XKR4: variants seen among roughly 807,000 people sequenced by gnomAD.
XKR4 encodes the protein XK-related protein 4.
XKR4 carries 12 observed loss-of-function variants against 53.9 expected under a neutral mutation model. That is an observed-to-expected ratio of 0.22 (90% confidence interval 0.14 to 0.36). The LOEUF is 0.36. Ranked by LOEUF, XKR4 falls within the 10% of genes least tolerant of loss-of-function variation. The pLI, the probability that XKR4 is intolerant of heterozygous loss-of-function variation, is 1.00. For missense variants in XKR4, 799 were observed against 859.5 expected, an observed-to-expected ratio of 0.93 and a Z score of 0.88; for synonymous variants, 354 against 362.4, an observed-to-expected ratio of 0.98 and a Z score of 0.26.
chr8:55,478,474 G>C (rs1295480031), intron 2 of XKR4, among the ~76,000 whole-genome samples: 4 of 152,068 alleles, frequency 2.6e-5, no homozygotes, highest in Admixed American at 2.6e-4. Flanking sequence ...ATCAAGGCTA[G>C]GAAGAAACTG....
intron 2 of XKR4, among the ~76,000 whole-genome samples, chr8:55,438,557 T>A (rs1805212282): frequency 7.7e-6 from 1 of 129,804 alleles, no homozygotes; most frequent in Admixed American, 9.3e-5. Flanking sequence ...GCCACTGCAC[T>A]CCAGCCTAGG....
intron 1 of XKR4, among the ~76,000 whole-genome samples, chr8:55,298,424 T>C (rs1819131762): frequency 6.6e-6 from 1 of 152,110 alleles, no homozygotes; most frequent in Admixed American, 6.6e-5. Flanking sequence ...TCTACAAGCA[T>C]GGCACCAGCA....
At chr8:55,129,334 A>G (rs1374180636) in intron 1 of XKR4, among the ~76,000 whole-genome samples, 1 of 152,204 alleles carries the variant, frequency 6.6e-6, no homozygotes, top group African/African-American at 2.4e-5. Flanking sequence ...AAATTCTCCT[A>G]TCCGTTCTCA....
At chr8:55,385,651 T>C (rs1804298639) in intron 2 of XKR4, among the ~76,000 whole-genome samples, 1 of 152,254 alleles carries the variant, frequency 6.6e-6, no homozygotes, top group Admixed American at 6.5e-5. Flanking sequence ...TCCAAGAAAA[T>C]TGCTTTGAAA....
chr8:55,269,516 T>C (rs2129372285), intron 1 of XKR4, among the ~76,000 whole-genome samples: 2 of 152,218 alleles, frequency 1.3e-5, no homozygotes, highest in Middle Eastern at 6.8e-3. Flanking sequence ...ATTATCAGAG[T>C]TGTTGAAGGT....
chr8:55,271,571 C>T (rs1369877188), intron 1 of XKR4, among the ~76,000 whole-genome samples: 1 of 152,250 alleles, frequency 6.6e-6, no homozygotes, highest in East Asian at 1.9e-4. Flanking sequence ...GGCAGAGACT[C>T]ACTTATCACA....
At chr8:55,472,531 C>A (rs1805905922) in intron 2 of XKR4, among the ~76,000 whole-genome samples, 1 of 152,062 alleles carries the variant, frequency 6.6e-6, no homozygotes, top group South Asian at 2.1e-4. Flanking sequence ...GGGCTGACCC[C>A]AGTTCAGTGA....
At position 55,261,022 on chromosome 8, in the gene XKR4, G is replaced by A. The variant is rs143904364; in HGVS notation, c.807-96656G>A. On this transcript the variant is annotated intron_variant, in intron 1 of 2. Transcript: ENST00000327381. ...TTCATTAAAAGCAAAACTTTATCAA[G>A]GACTTCCTTACCCTCACAATCTGTC... Among the ~76,000 whole-genome samples the A allele has an allele frequency of 2.0e-3, 305 of 152,172 alleles. 1 individual carries two copies. Among genetic ancestry groups the A allele is most frequent in the African/African-American group, 7.0e-3 (291 of 41,508 alleles).
intron 2 of XKR4, among the ~76,000 whole-genome samples, chr8:55,392,120 T>C (rs747990223): frequency 6.6e-6 from 1 of 152,194 alleles, no homozygotes. Flanking sequence ...GAGCTCATGA[T>C]TTTTTTCCTG....
intron 2 of XKR4, among the ~76,000 whole-genome samples, chr8:55,406,759 A>G (rs752260828): frequency 6.6e-6 from 1 of 152,254 alleles, no homozygotes; most frequent in Non-Finnish European, 1.5e-5. Flanking sequence ...CCTTTTGGCC[A>G]CAAATGTCTA....
chr8:55,311,331 A>G (rs1250268979), intron 1 of XKR4, among the ~76,000 whole-genome samples: 3 of 152,186 alleles, frequency 2.0e-5, no homozygotes, highest in Admixed American at 2.0e-4. Flanking sequence ...TTCAGCCTGG[A>G]GTGTCAGAGA....
chr8:55,374,506 T>C (rs1185657397), intron 2 of XKR4, among the ~76,000 whole-genome samples: 11 of 152,150 alleles, frequency 7.2e-5, no homozygotes, highest in South Asian at 4.1e-4. Context: ...GGAGAGCTCA[T>C]TGGAGAAGGC....
rs909639698 is a variant in XKR4, at chr8:55,525,647, G to C, written c.*1420G>C. On this transcript the variant is annotated 3_prime_UTR_variant, in exon 3 of 3. Coordinates refer to ENST00000327381, the MANE Select transcript of XKR4 (RefSeq NM_052898.2). ...GTCCTCGGTCATGGTGCTTTTCGTTGCATTAAAAGTGCCGGTCAAACTTTG... is the reference window on the plus strand; with the variant it reads ...GTCCTCGGTCATGGTGCTTTTCGTTCCATTAAAAGTGCCGGTCAAACTTTG... 5.9e-5 allele frequency: 9 copies of C among 152,506 alleles called. No homozygotes were observed. The highest frequency in any genetic ancestry group is 2.2e-4 in the African/African-American group (9 of 41,400). 9.4% of individuals were successfully genotyped at this position (152,506 alleles called of 1,614,324 possible).
At position 55,449,201 on chromosome 8, in the gene XKR4, CTCTT is replaced by C. The variant is rs1805387189; in HGVS notation, c.1007-74078_1007-74075del. Among the ~76,000 whole-genome samples, 6 of 150,732 alleles carry C rather than the reference CTCTT, an allele frequency of 4.0e-5. No homozygotes were observed. The South Asian group carries it at 1.3e-3, about 32-fold the overall frequency. ...ATTTATTTTATTTTGCATTCATTCT[CTCTT>C]TATATAGACTCTGGTTCTAGAAACA... On this transcript the variant is annotated intron_variant, in intron 2 of 2. Transcript: ENST00000327381.
chr8:55,400,732 T>C (rs192711175), intron 2 of XKR4, among the ~76,000 whole-genome samples: 2 of 152,330 alleles, frequency 1.3e-5, no homozygotes, highest in East Asian at 3.9e-4. Context: ...AATGGGCTGC[T>C]GAATAACACA....
At chr8:55,463,688 C>A (rs1428096052) in intron 2 of XKR4, among the ~76,000 whole-genome samples, 1 of 152,032 alleles carries the variant, frequency 6.6e-6, no homozygotes, top group African/African-American at 2.4e-5. Flanking sequence ...AATCCAGGAG[C>A]TGGTTTTTTG....
At chr8:55,292,998 C>T (rs1819051580) in intron 1 of XKR4, among the ~76,000 whole-genome samples, 1 of 152,072 alleles carries the variant, frequency 6.6e-6, no homozygotes, top group Non-Finnish European at 1.5e-5. Flanking sequence ...AGGACATACT[C>T]ATTAGTGTTG....
chr8:55,485,474 A>G (rs1001684402), intron 2 of XKR4, among the ~76,000 whole-genome samples: 4 of 152,242 alleles, frequency 2.6e-5, no homozygotes, highest in Non-Finnish European at 4.4e-5. Flanking sequence ...CAATAAACAT[A>G]TGGACTCTGA....
intron 2 of XKR4, among the ~76,000 whole-genome samples, chr8:55,474,264 C>T (rs1805942692): frequency 6.6e-6 from 1 of 152,066 alleles, no homozygotes. Context: ...CACTGATGGA[C>T]AGTTACCACA....
Sources: allele counts gnomAD v4.1 joint callset (sites outside exome capture counted in the v4.1 genomes callset), GRCh38; gene constraint gnomAD v4.1.1; transcripts MANE v1.5; gene names NCBI Gene and HGNC (gene_info 2026-07-23, HGNC 2026-07-21).